Variants in EFCAB14 observed in about 807,000 individuals in gnomAD.
EFCAB14 encodes EF-hand calcium binding domain 14, also known as EF-hand calcium-binding domain-containing protein 14.
A neutral mutation model predicts 56.5 loss-of-function variants in EFCAB14; 43 were observed. The ratio of observed to expected loss-of-function variants is 0.76; its 90% CI spans 0.60 to 0.98. The LOEUF (loss-of-function observed/expected upper bound fraction) is 0.98, where lower values mean the gene tolerates loss of function less well. EFCAB14 is among the 50% of genes least tolerant of loss of function. The pLI, the probability that EFCAB14 is intolerant of heterozygous loss-of-function variation, is 0.00. For missense variants in EFCAB14, 538 were observed against 580.3 expected (o/e 0.93, Z 0.75); for synonymous variants, 235 against 212.9 (o/e 1.10, Z -0.90).
intron 3 of EFCAB14, 148 bp downstream of exon 3, chr1:46,707,758 G>A: frequency 1.5e-6 from 1 of 665,912 alleles, no homozygotes; most frequent in Non-Finnish European, 2.3e-6. Context: ...ACTTTAACAT[G>A]CTGGGATTAC....
Position 46,716,297 on chromosome 1 carries a change from G to C in EFCAB14, c.332C>G (p.Thr111Arg). The stretch of plus-strand genomic sequence containing the variant: ...AAAGAGAGTAACCACTTACTTACTT[G>C]TTCGAAATTTTTCCTTGAGGGCATC... ...DLDALKEKFR[T>R]MESNQKSSFQ... is the part of the protein sequence containing the mutation. Residue 111 changes from threonine (T) to arginine (R), a missense_variant and splice_region_variant, in exon 2 of 11, where the codon ACA becomes AGA. Thr to Arg is a moderately conservative substitution (Grantham distance 71). Coordinates refer to ENST00000371933, the MANE Select transcript of EFCAB14 (RefSeq NM_014774.3). The C allele has an allele frequency of 6.8e-7, 1 of 1,478,018 alleles. No homozygotes were observed. The highest frequency in any genetic ancestry group is 9.2e-7 in the Non-Finnish European group (1 of 1,082,788). 91.6% of individuals were successfully genotyped at this position (1,478,018 alleles called of 1,614,324 possible).
At chr1:46,708,184 G>T in intron 2 of EFCAB14, 133 bp from the exon 3 acceptor site, 2 of 881,100 alleles carry the variant, frequency 2.3e-6, no homozygotes, top group East Asian at 2.9e-5. Flanking sequence ...TTTTATTTAT[G>T]TAAATATATA....
chr1:46,689,688 G>C lies in EFCAB14; in HGVS notation c.694C>G (p.Gln232Glu), dbSNP rs759493629. The change falls in exon 6 of 11, where the codon CAG (glutamine) becomes GAG (glutamate). Residue 232 changes from glutamine (Q) to glutamate (E), a missense_variant. Physicochemically the swap from Gln to Glu is conservative, Grantham distance 29. Coordinates refer to ENST00000371933, the MANE Select transcript of EFCAB14 (RefSeq NM_014774.3). ...CCAGGAGTCTCCTTCAAGAAGTGCT[G>C]ATTCTGTTAAGAGGAAAGAAGTTTA... is the stretch of plus-strand genomic sequence containing the variant. ...TMELLQSDMN[Q>E]HFLKETPGSN... The C allele has an allele frequency of 1.2e-6, 2 of 1,613,658 alleles. No homozygotes were observed. Among genetic ancestry groups the C allele is most frequent in the South Asian group, 2.2e-5 (2 of 91,056 alleles).
chr1:46,681,943 C>G (rs1297900399), intron 10 of EFCAB14, among the ~76,000 whole-genome samples: 2 of 151,798 alleles, frequency 1.3e-5, no homozygotes, highest in East Asian at 3.9e-4. Flanking sequence ...CACAACACTT[C>G]CCCTCCTCCC....
chr1:46,709,710 G>A lies in EFCAB14; in HGVS notation c.335-1659C>T, dbSNP rs141803281. The stretch of plus-strand genomic sequence containing the variant: ...AAACCCTCAACAAATAACCCAGGCT[G>A]GGTGCGGTGGCTCACACCTGTAATC... On this transcript the variant is annotated intron_variant, in intron 2 of 10. Coordinates refer to ENST00000371933, the MANE Select transcript of EFCAB14 (RefSeq NM_014774.3). 6.6e-5 allele frequency among the ~76,000 whole-genome samples: 10 copies of A among 152,312 alleles called. No homozygotes were observed. The East Asian group carries it at 1.2e-3, about 18-fold the overall frequency.
rs1197031976 is a variant in EFCAB14, at chr1:46,678,422, G to C, written c.*39C>G. ...GGGTTGTTTTGTTGTTAGGTAAATAGATATTAGGCAGTCCATTTCTAAAAT... is the reference window on the plus strand; with the variant it reads ...GGGTTGTTTTGTTGTTAGGTAAATACATATTAGGCAGTCCATTTCTAAAAT... On this transcript the variant is annotated 3_prime_UTR_variant, in exon 11 of 11. Coordinates refer to ENST00000371933, the MANE Select transcript of EFCAB14 (RefSeq NM_014774.3). The C allele has an allele frequency of 6.2e-7, 1 of 1,609,084 alleles. No homozygotes were observed. The highest frequency in any genetic ancestry group is 1.1e-5 in the South Asian group (1 of 90,814).
At chr1:46,717,213 A>G (rs559371190) in intron 1 of EFCAB14, among the ~76,000 whole-genome samples, 13 of 152,266 alleles carry the variant, frequency 8.5e-5, no homozygotes, top group Middle Eastern at 3.4e-3. Context: ...CAGCACCCCG[A>G]CCTTCTGCCT....
Position 46,678,615 on chromosome 1 carries a change from T to C in EFCAB14, c.1334A>G (p.Lys445Arg). ...CTTCCCATCCACGTCCTGGCCAGTC[T>C]TGCGGAATAAATCCTGAAGATCTGT... ...STEDLQDLFR[K>R]TGQDVDGKLT... Residue 445 changes from lysine (K) to arginine (R), a missense_variant, in exon 11 of 11, where the codon AAG becomes AGG. Lys to Arg is a conservative substitution (Grantham distance 26, BLOSUM62 2). Transcript: ENST00000371933. The C allele has an allele frequency of 2.5e-6, 4 of 1,613,190 alleles. No individual in the cohort carries two copies. The highest frequency in any genetic ancestry group is 1.1e-5 in the South Asian group (1 of 90,890).
At chr1:46,681,339 T>G (rs1255943509) in intron 10 of EFCAB14, among the ~76,000 whole-genome samples, 1 of 152,252 alleles carries the variant, frequency 6.6e-6, no homozygotes, top group East Asian at 1.9e-4. Context: ...AGAAGGTCAA[T>G]GAGCTTTATG....
intron 4 of EFCAB14, among the ~76,000 whole-genome samples, chr1:46,695,870 A>G (rs1016850371): frequency 5.3e-5 from 8 of 152,048 alleles, no homozygotes; most frequent in Admixed American, 4.6e-4. Flanking sequence ...TGTAAAGACG[A>G]GGTCTCCCTA....
rs1221166808 is a variant in EFCAB14 at position 46,717,934 on chromosome 1, C to G, written c.154G>C (p.Gly52Arg). Reference sequence around the variant, plus strand: ...AAGCGAGAGCGATTTCCAACCACACCGAATTCCTCTTCCTCTTCGGAGCTG... The same window carrying G: ...AAGCGAGAGCGATTTCCAACCACACGGAATTCCTCTTCCTCTTCGGAGCTG... ...ESSSEEEEEF[G>R]VVGNRSRFAK... The change falls in exon 1 of 11, where the codon GGT becomes CGT. Residue 52 changes from glycine (G) to arginine (R), a missense_variant. Gly to Arg is a moderately radical substitution (Grantham distance 125). Transcript: ENST00000371933. The G allele has an allele frequency of 3.7e-6, 6 of 1,613,880 alleles. No individual in the cohort carries two copies. In the African/African-American group the frequency reaches 6.7e-5, roughly 18 times the overall value.
At chr1:46,706,346 T>C (rs568454327) in intron 3 of EFCAB14, among the ~76,000 whole-genome samples, 2 of 152,376 alleles carry the variant, frequency 1.3e-5, no homozygotes, top group South Asian at 2.1e-4. Context: ...ACTTTGTGTC[T>C]AGCTTCCTGG....
At chr1:46,713,375 A>G (rs1350268207) in intron 2 of EFCAB14, among the ~76,000 whole-genome samples, 1 of 152,238 alleles carries the variant, frequency 6.6e-6, no homozygotes, top group African/African-American at 2.4e-5. Flanking sequence ...AATGGTAGAA[A>G]GCAGGGTCCG....
chr1:46,710,362 T>C (rs1025625623), intron 2 of EFCAB14, among the ~76,000 whole-genome samples: 3 of 152,206 alleles, frequency 2.0e-5, no homozygotes, highest in Non-Finnish European at 4.4e-5. Flanking sequence ...ATCCTCCTTA[T>C]AGCTATTTGG....
At chr1:46,682,106 G>C (rs1471732531) in intron 10 of EFCAB14, 1 of 152,240 alleles carries the variant, frequency 6.6e-6, no homozygotes, top group Non-Finnish European at 1.5e-5. Context: ...AGGAGTACCA[G>C]GTACTGTGCT....
At chr1:46,685,823 C>A (rs1049244289) in intron 8 of EFCAB14, among the ~76,000 whole-genome samples, 3 of 151,886 alleles carry the variant, frequency 2.0e-5, no homozygotes, top group African/African-American at 7.3e-5. Flanking sequence ...TCTGTCTTCT[C>A]TAGGTGAGGT....
intron 6 of EFCAB14, 107 bp downstream of exon 6, chr1:46,689,480 T>A: frequency 9.8e-7 from 1 of 1,024,212 alleles, no homozygotes; most frequent in Non-Finnish European, 1.5e-6. Flanking sequence ...GGCAGGCAAA[T>A]AAATACAGGA....
At chr1:46,694,367 T>C (rs1021863774) in intron 4 of EFCAB14, among the ~76,000 whole-genome samples, 48 of 152,212 alleles carry the variant, frequency 3.2e-4, no homozygotes, top group African/African-American at 9.1e-4. Flanking sequence ...ACAAAGAACT[T>C]AAACAAATTT....
intron 2 of EFCAB14, among the ~76,000 whole-genome samples, chr1:46,710,378 T>C (rs926298019): frequency 2.6e-5 from 4 of 152,210 alleles, no homozygotes; most frequent in African/African-American, 9.7e-5. Flanking sequence ...TTTGGAACTA[T>C]CTAGTGTTAA....
Sources: gnomAD v4.1 joint callset for allele counts (sites outside exome capture counted in the v4.1 genomes callset) on GRCh38, gnomAD v4.1.1 for gene constraint, MANE v1.5 for transcripts, NCBI Gene and HGNC (gene_info 2026-07-23, HGNC 2026-07-21) for gene names.